Variants in SLC45A3 observed in about 807,000 individuals in gnomAD.
The protein encoded by SLC45A3 is prostate cancer associated protein 2.
In SLC45A3, 17 loss-of-function variants were observed where a neutral mutation model predicts 35.3. The observed-to-expected ratio is 0.48, with a 90% CI of 0.33 to 0.72. SLC45A3 has a LOEUF of 0.72. Among genes scored for constraint, SLC45A3 ranks in the 30% least tolerant of loss-of-function variants. SLC45A3 has a pLI of 0.02. For missense variants in SLC45A3, 597 were observed against 731.7 expected, an observed-to-expected ratio of 0.82 and a Z score of 2.12; for synonymous variants, 288 against 334.3, an observed-to-expected ratio of 0.86 and a Z score of 1.51.
At chr1:205,680,324 G>C (rs1671385344) in intron 1 of SLC45A3, 70 bp downstream of exon 1, 1 of 152,086 alleles carries the variant, frequency 6.6e-6, no homozygotes, top group South Asian at 2.1e-4. Context: ...GCGGAGCTCG[G>C]CCGTGCACTG....
intron 1 of SLC45A3, among the ~76,000 whole-genome samples, chr1:205,668,763 C>T (rs1671159140): frequency 6.6e-6 from 1 of 152,154 alleles, no homozygotes; most frequent in Admixed American, 6.5e-5. Flanking sequence ...AAGTCCCTCT[C>T]AAGTTCCAAA....
intron 1 of SLC45A3, among the ~76,000 whole-genome samples, chr1:205,668,100 A>G (rs1671147581): frequency 6.6e-6 from 1 of 152,056 alleles, no homozygotes; most frequent in African/African-American, 2.4e-5. Context: ...GCGGGTCCAG[A>G]GTCCTCTTGA....
intron 1 of SLC45A3, among the ~76,000 whole-genome samples, chr1:205,672,883 C>T (rs1017216408): frequency 2.6e-5 from 4 of 152,154 alleles, no homozygotes; most frequent in East Asian, 1.9e-4. Flanking sequence ...TGCTTCTTCA[C>T]GGGCAGGTAC....
In SLC45A3 at chr1:205,659,833, C is replaced by G. The variant is rs1670988320; in HGVS notation, c.1225-162G>C. 1.3e-5 allele frequency among the ~76,000 whole-genome samples: 2 copies of G among 152,152 alleles called. No individual in the cohort carries two copies. The highest frequency in any genetic ancestry group is 2.9e-5 in the Non-Finnish European group (2 of 68,022). ...GATGGAGACCCTACTTGGTCCAAGT[C>G]TAACCAGGACCCTTCCTCAGGAGTG... On this transcript the variant is annotated intron_variant, in intron 4 of 4. Coordinates refer to ENST00000367145, the MANE Select transcript of SLC45A3 (RefSeq NM_033102.3). The surrounding 1 kb of genome is among the most constrained non-coding windows in gnomAD (Gnocchi z 5.8).
In SLC45A3 at chr1:205,662,831, A is replaced by T; in HGVS notation, c.958+2T>A. ...AGCCTCTGCTGGCTGCCAAGGCCTT[A>T]CCTTCATCATAGTGTCTCCGGGCCT... On this transcript the variant is annotated splice_donor_variant, in intron 3 of 4. Transcript: ENST00000367145. LOFTEE classifies it high-confidence loss of function. The surrounding 1 kb of genome is among the most constrained non-coding windows in gnomAD (Gnocchi z 6.2). 1.9e-6 allele frequency: 3 copies of T among 1,581,194 alleles called. No individual in the cohort carries two copies. Among genetic ancestry groups the T allele is most frequent in the Non-Finnish European group, 2.6e-6 (3 of 1,160,300 alleles).
In SLC45A3 at chr1:205,659,342, C is replaced by T. The variant is rs1489759450; in HGVS notation, c.1554G>A (p.Gln518=). Residue 518 remains glutamine (Q), a synonymous_variant, in exon 5 of 5, where the codon CAG becomes CAA. Coordinates refer to ENST00000367145, the MANE Select transcript of SLC45A3 (RefSeq NM_033102.3). The surrounding 1 kb of genome is among the most constrained non-coding windows in gnomAD (Gnocchi z 5.8). ...CAGACACCATATAGGCAGTGACAGA[C>T]TGGCTGAGCTGGACAATGGAGCCCA... The part of the protein sequence containing the change: ...LFMGSIVQLS[Q]SVTAYMVSAA... The T allele has an allele frequency of 1.9e-6, 3 of 1,614,100 alleles. No individual in the cohort carries two copies. Among genetic ancestry groups the T allele is most frequent in the African/African-American group, 2.7e-5 (2 of 74,930 alleles).
At chr1:205,671,943 T>C (rs1571541456) in intron 1 of SLC45A3, among the ~76,000 whole-genome samples, 2 of 152,114 alleles carry the variant, frequency 1.3e-5, no homozygotes, top group East Asian at 3.9e-4. Flanking sequence ...GAGGTTATAA[T>C]ACATACTAGG....
At chr1:205,661,840 C>T in intron 4 of SLC45A3, 21 bp downstream of exon 4, 3 of 1,599,750 alleles carry the variant, frequency 1.9e-6, no homozygotes, top group African/African-American at 1.3e-5. Flanking sequence ...ACCCTGACTC[C>T]ACCCACTGGC....
chr1:205,676,194 T>G (rs1671312424), intron 1 of SLC45A3, among the ~76,000 whole-genome samples: 1 of 152,124 alleles, frequency 6.6e-6, no homozygotes, highest in Non-Finnish European at 1.5e-5. Flanking sequence ...ACTCCTAGCT[T>G]GAACACTATT....
At chr1:205,670,972 G>A (rs901845890) in intron 1 of SLC45A3, among the ~76,000 whole-genome samples, 19 of 152,232 alleles carry the variant, frequency 1.2e-4, no homozygotes, top group Admixed American at 3.9e-4. Flanking sequence ...TGGCTGTGGC[G>A]CGGTGGAGAG....
In SLC45A3 at chr1:205,662,386, A is replaced by T; in HGVS notation, c.959-260T>A. The T allele has an allele frequency of 7.2e-7, 1 of 1,381,880 alleles. No individual in the cohort carries two copies. Among genetic ancestry groups the T allele is most frequent in the East Asian group, 2.7e-5 (1 of 36,972 alleles). 85.6% of individuals were successfully genotyped at this position (1,381,880 alleles called of 1,614,324 possible). A position where few individuals can be genotyped will look rare whatever the true frequency, so the allele number is the denominator to read the frequency against. ...AGGTTTCCTGGGAGTCTCAGCTGTG[A>T]GGACAGGCGGGTGAGAGGGAACACA... On this transcript the variant is annotated intron_variant, in intron 3 of 4. Transcript: ENST00000367145. This position sits in a 1 kb window ranked among gnomAD's most constrained non-coding sequence, Gnocchi z 6.2.
chr1:205,662,418 G>A lies in SLC45A3; in HGVS notation c.959-292C>T. The A allele has an allele frequency of 1.5e-6, 2 of 1,349,922 alleles. No homozygotes were observed. The highest frequency in any genetic ancestry group is 1.9e-6 in the Non-Finnish European group (2 of 1,053,554). The allele number at this position is 1,349,922 out of a possible 1,614,324, so 83.6% of individuals were successfully genotyped here. On this transcript the variant is annotated intron_variant, in intron 3 of 4. Transcript: ENST00000367145. The surrounding 1 kb of genome is among the most constrained non-coding windows in gnomAD (Gnocchi z 6.2). ...GCGGGTGAGAGGGAACACAAAGACAGCTGGCCATAGGCTTCAAGACGCTTC... is the reference window on the plus strand; with the variant it reads ...GCGGGTGAGAGGGAACACAAAGACAACTGGCCATAGGCTTCAAGACGCTTC...
chr1:205,680,043 G>GGCCCGCCAGCC (rs1553248873), intron 1 of SLC45A3, among the ~76,000 whole-genome samples: 11 of 147,798 alleles, frequency 7.4e-5, no homozygotes, highest in Non-Finnish European at 1.5e-4. Context: ...GGCCCGGCCC[G>GGCCCGCCAGCC]GTCCGGCCCG....
In SLC45A3 at chr1:205,661,909, C is replaced by T; in HGVS notation, c.1176G>A (p.Leu392=). ...AGGCCAGTGTGTAGGGCAGGATCTG[C>T]AGGGCTGAGAAGGTGAACCCGGTGA... ...AALTGFTFSA[L]QILPYTLASL... is the part of the protein sequence containing the mutation. The change falls in exon 4 of 5, where the codon CTG becomes CTA. Residue 392 remains leucine (L), a synonymous_variant. Transcript: ENST00000367145. 1 of 1,614,190 alleles carries T rather than the reference C, an allele frequency of 6.2e-7. No individual in the cohort carries two copies. Among genetic ancestry groups the T allele is most frequent in the Non-Finnish European group, 8.5e-7 (1 of 1,180,038 alleles).
At chr1:205,674,722 C>CT (rs1450109466) in intron 1 of SLC45A3, among the ~76,000 whole-genome samples, 2 of 147,266 alleles carry the variant, frequency 1.4e-5, no homozygotes, top group African/African-American at 5.0e-5. Context: ...AGTATCTTTT[C>CT]TTTTTTCTTT....
chr1:205,678,735 G>T (rs1558038397), intron 1 of SLC45A3, among the ~76,000 whole-genome samples: 1 of 152,192 alleles, frequency 6.6e-6, no homozygotes, highest in Non-Finnish European at 1.5e-5. Context: ...TCATTCTGCT[G>T]ACTCAAGCTG....
chr1:205,659,093 G>T lies in SLC45A3; in HGVS notation c.*141C>A, dbSNP rs570189715. On this transcript the variant is annotated 3_prime_UTR_variant, in exon 5 of 5. Coordinates refer to ENST00000367145, the MANE Select transcript of SLC45A3 (RefSeq NM_033102.3). This position sits in a 1 kb window ranked among gnomAD's most constrained non-coding sequence, Gnocchi z 5.8. ...AGCTGTGCAGCTACGCACCTCAGCA[G>T]CACAGGGTGGCAGCAGAGAGCCACA... is the stretch of plus-strand genomic sequence containing the variant. 1.2e-6 allele frequency: 1 copy of T among 843,562 alleles called. No homozygotes were observed. Among genetic ancestry groups the T allele is most frequent in the East Asian group, 2.6e-5 (1 of 37,870 alleles). 52.3% of individuals were successfully genotyped at this position (843,562 alleles called of 1,614,324 possible).
At chr1:205,660,417 G>C (rs1670998592) in intron 4 of SLC45A3, among the ~76,000 whole-genome samples, 1 of 152,154 alleles carries the variant, frequency 6.6e-6, no homozygotes, top group Non-Finnish European at 1.5e-5. Context: ...TCCTATTTAA[G>C]GACAAGGCCA....
Position 205,662,746 on chromosome 1 carries a change from G to A in SLC45A3, c.958+87C>T, listed in dbSNP as rs1251722634. On this transcript the variant is annotated intron_variant, in intron 3 of 4. Coordinates refer to ENST00000367145, the MANE Select transcript of SLC45A3 (RefSeq NM_033102.3). The surrounding 1 kb of genome is among the most constrained non-coding windows in gnomAD (Gnocchi z 6.2). ...CTGACAGAGAAGTCGGGGCCAGGAT[G>A]GAGAGGCACCAGCCCAGACACAGCC... 2 of 1,498,760 alleles carry A rather than the reference G, an allele frequency of 1.3e-6. No homozygotes were observed. Among genetic ancestry groups the A allele is most frequent in the East Asian group, 2.3e-5 (1 of 43,768 alleles). 92.8% of individuals were successfully genotyped at this position (1,498,760 alleles called of 1,614,324 possible).
Sources: gnomAD v4.1 joint callset for allele counts (sites outside exome capture counted in the v4.1 genomes callset) on GRCh38, gnomAD v4.1.1 for gene constraint, Gnocchi (gnomAD v3.1) non-coding constraint, MANE v1.5 for transcripts, NCBI Gene and HGNC (gene_info 2026-07-23, HGNC 2026-07-21) for gene names.